NCOR1: variants seen among roughly 807,000 people sequenced by gnomAD.
The protein encoded by NCOR1 is nuclear receptor corepressor 1, also known as protein phosphatase 1, regulatory subunit 109.
A neutral mutation model predicts 288.1 loss-of-function variants in NCOR1; 63 were observed. That is an observed-to-expected ratio of 0.22 (90% CI 0.18 to 0.27). The LOEUF (loss-of-function observed/expected upper bound fraction) is 0.27. Ranked by LOEUF, NCOR1 falls within the 10% of genes least tolerant of loss-of-function variation. The probability of loss-of-function intolerance (pLI) is 1.00; values close to 1 mark genes in which losing one functional copy is unlikely to be tolerated. For missense variants in NCOR1, 2,397 were observed against 3,019.2 expected, an observed-to-expected ratio of 0.79 and a Z score of 4.83; for synonymous variants, 1,007 against 1,065.9, an observed-to-expected ratio of 0.94 and a Z score of 1.08.
chr17:16,116,275 AC>A (rs2071561179), intron 18 of NCOR1, among the ~76,000 whole-genome samples: 1 of 152,190 alleles, frequency 6.6e-6, no homozygotes, highest in Non-Finnish European at 1.5e-5. Flanking sequence ...ACAAAGCCAA[AC>A]CATATCACAT....
At chr17:16,100,350 C>G (rs1464701228) in intron 20 of NCOR1, among the ~76,000 whole-genome samples, 6 of 152,032 alleles carry the variant, frequency 3.9e-5, no homozygotes, top group African/African-American at 1.2e-4. Flanking sequence ...ACTAAAGCTA[C>G]CTGTAAACTG....
At chr17:16,050,264 C>T (rs2059155706) in intron 40 of NCOR1, among the ~76,000 whole-genome samples, 1 of 151,570 alleles carries the variant, frequency 6.6e-6, no homozygotes, top group African/African-American at 2.4e-5. Flanking sequence ...GCTCTGTCAC[C>T]CAGGCTGGAG....
chr17:16,181,127 C>T (rs981271147), intron 3 of NCOR1, among the ~76,000 whole-genome samples: 2 of 151,188 alleles, frequency 1.3e-5, no homozygotes, highest in Non-Finnish European at 2.9e-5. Flanking sequence ...CCATTGCACT[C>T]CAGCTTGGGT....
In NCOR1 at chr17:16,186,639, C is replaced by T. The variant is rs970882438; in HGVS notation, c.157G>A (p.Ala53Thr). 4.5e-5 allele frequency: 73 copies of T among 1,613,984 alleles called. No homozygotes were observed. The highest frequency in any genetic ancestry group is 6.2e-5 in the Non-Finnish European group (73 of 1,179,926). Residue 53 changes from alanine (A) to threonine (T), a missense_variant, in exon 3 of 46, where the codon GCA becomes ACA. Around this residue, in one of 11 missense-constraint regions of NCOR1, gnomAD observed 55 missense variants for 69.6 expected, o/e 0.79. Coordinates refer to ENST00000268712, the MANE Select transcript of NCOR1 (RefSeq NM_006311.4). ...YRSSHLEVSQASQLLQQQQQQ... is the reference protein window; with the variant it reads ...YRSSHLEVSQTSQLLQQQQQQ... ...TGCTGTTGCTGCAAAAGCTGTGATG[C>T]CTGACTCACTTCAAGATGAGAGGAA...
intron 4 of NCOR1, among the ~76,000 whole-genome samples, chr17:16,168,848 G>A (rs2082555109): frequency 6.6e-6 from 1 of 151,810 alleles, no homozygotes; most frequent in Non-Finnish European, 1.5e-5. Context: ...GCGTGCGCCT[G>A]TAGTCCCAGC....
At chr17:16,195,191 G>A (rs1336699796) in intron 1 of NCOR1, among the ~76,000 whole-genome samples, 1 of 152,174 alleles carries the variant, frequency 6.6e-6, no homozygotes, top group Non-Finnish European at 1.5e-5. Context: ...GAAAAAGAAG[G>A]CCAGGAGCGG....
At chr17:16,095,813 G>A (rs191488290) in intron 21 of NCOR1, among the ~76,000 whole-genome samples, 1,970 of 151,222 alleles carry the variant, frequency 0.013, 23 homozygotes, top group Admixed American at 0.025. Flanking sequence ...CCACCACCCC[G>A]TCTGGGAGGA....
At chr17:16,156,412 G>C (rs983529000) in intron 6 of NCOR1, among the ~76,000 whole-genome samples, 1 of 150,340 alleles carries the variant, frequency 6.7e-6, no homozygotes, top group African/African-American at 2.5e-5. Flanking sequence ...CTCCAACCTC[G>C]GGGACGAAGC....
Position 16,108,862 on chromosome 17 carries a change from G to A in NCOR1, c.2106C>T (p.Val702=), listed in dbSNP as rs780218094. Reference sequence around the variant, plus strand: ...CCTCCTGAGCAGAAACAGTGGAAGCGACACTTTCACATTGAGACACATCTC... The same window carrying A: ...CCTCCTGAGCAGAAACAGTGGAAGCAACACTTTCACATTGAGACACATCTC... ...EERDVSQCES[V]ASTVSAQEDE... is the part of the protein sequence containing the mutation. Residue 702 remains valine, a synonymous_variant, in exon 19 of 46, where the codon GTC becomes GTT. Coordinates refer to ENST00000268712, the MANE Select transcript of NCOR1 (RefSeq NM_006311.4). 5.0e-6 allele frequency: 8 copies of A among 1,606,322 alleles called. No individual in the cohort carries two copies. In the East Asian group the frequency reaches 6.7e-5, roughly 13 times the overall value.
intron 8 of NCOR1, among the ~76,000 whole-genome samples, chr17:16,151,140 G>A (rs2078791686): frequency 6.6e-6 from 1 of 151,408 alleles, no homozygotes; most frequent in Non-Finnish European, 1.5e-5. Flanking sequence ...ATATAAAGTA[G>A]AAATATCACA....
intron 15 of NCOR1, among the ~76,000 whole-genome samples, chr17:16,124,203 G>T (rs1306337172): frequency 1.3e-5 from 2 of 152,114 alleles, no homozygotes; most frequent in Non-Finnish European, 2.9e-5. Context: ...ATCTTAAACA[G>T]TTCCACAAGG....
At chr17:16,165,259 T>G in intron 4 of NCOR1, 98 bp from the exon 5 acceptor site, 1 of 907,994 alleles carries the variant, frequency 1.1e-6, no homozygotes. Flanking sequence ...AGCAGAGCCA[T>G]GTGTACTATT....
chr17:16,196,016 A>G (rs1381433942), intron 1 of NCOR1, among the ~76,000 whole-genome samples: 1 of 151,396 alleles, frequency 6.6e-6, no homozygotes, highest in Non-Finnish European at 1.5e-5. Flanking sequence ...TTTTATATAC[A>G]CATATACACA....
At chr17:16,127,080 A>C in intron 14 of NCOR1, among the ~76,000 whole-genome samples, 1 of 151,466 alleles carries the variant, frequency 6.6e-6, no homozygotes, top group Non-Finnish European at 1.5e-5. Context: ...CCTAATATAC[A>C]AATCAAAGTT....
Position 16,032,206 on chromosome 17 carries a change from G to A in NCOR1, c.*90C>T. On this transcript the variant is annotated 3_prime_UTR_variant, in exon 46 of 46. Transcript: ENST00000268712. ...GAAAAGTCTCAGGGAATAAGTCACA[G>A]GAGGGCAGGTTTTTGACCTGCTACT... is the stretch of plus-strand genomic sequence containing the variant. The A allele has an allele frequency of 2.3e-6, 3 of 1,306,882 alleles. No homozygotes were observed. Among genetic ancestry groups the A allele is most frequent in the South Asian group, 1.5e-5 (1 of 64,650 alleles). 81.0% of individuals were successfully genotyped at this position (1,306,882 alleles called of 1,614,324 possible). A position where few individuals can be genotyped will look rare whatever the true frequency, so the allele number is the denominator to read the frequency against.
chr17:16,072,997 G>A (rs1337939007), intron 28 of NCOR1, among the ~76,000 whole-genome samples: 1 of 152,174 alleles, frequency 6.6e-6, no homozygotes, highest in Non-Finnish European at 1.5e-5. Flanking sequence ...CAGGCTCAAA[G>A]GAATTTTACC....
intron 15 of NCOR1, 22 bp downstream of exon 15, chr17:16,126,060 T>C: frequency 9.4e-7 from 1 of 1,061,284 alleles, no homozygotes; most frequent in Non-Finnish European, 1.3e-6. Context: ...TAACTTATTA[T>C]ATAACTAATT....
chr17:16,079,169 T>G (rs1006869275), intron 26 of NCOR1, among the ~76,000 whole-genome samples: 6 of 152,106 alleles, frequency 3.9e-5, no homozygotes, highest in African/African-American at 1.4e-4. Context: ...CCAACAAGGG[T>G]TGGGTTTCAG....
rs572976554 is a variant in NCOR1 at position 16,080,821 on chromosome 17, A to T, written c.3178-94T>A. 326 of 396,150 alleles carry T rather than the reference A, an allele frequency of 8.2e-4. 3 individuals are homozygous for T. The highest frequency in any genetic ancestry group is 5.6e-3 in the African/African-American group (248 of 44,256). The allele number at this position is 396,150 out of a possible 1,614,324, so 24.5% of individuals were successfully genotyped here. On this transcript the variant is annotated intron_variant, in intron 23 of 45. Transcript: ENST00000268712. The stretch of plus-strand genomic sequence containing the variant: ...AAAGTCAGCATTCCCATTTCTGTTT[A>T]AAAAAAAAAAAAATTATACCCCTTC...
Sources: allele counts gnomAD v4.1 joint callset (sites outside exome capture counted in the v4.1 genomes callset), GRCh38; gene constraint gnomAD v4.1.1; regional missense constraint gnomAD v4.1.1; transcripts MANE v1.5; gene names NCBI Gene and HGNC (gene_info 2026-07-23, HGNC 2026-07-21).